The following FER variants were observed in gnomAD, a reference collection of about 807,000 sequenced individuals.
FER encodes the protein tyrosine-protein kinase Fer.
In FER, 63 loss-of-function variants were observed where a neutral mutation model predicts 111.0. The observed-to-expected ratio is 0.57, with a 90% CI of 0.46 to 0.70. The LOEUF (loss-of-function observed/expected upper bound fraction) is 0.70, where lower values mean the gene tolerates loss of function less well. Among genes scored for constraint, FER ranks in the 30% least tolerant of loss-of-function variants. The pLI, the probability that FER is intolerant of heterozygous loss-of-function variation, is 0.00. For synonymous variants in FER, 327 were observed against 313.9 expected, an observed-to-expected ratio of 1.04 and a Z score of -0.44; for missense variants, 914 against 954.0, an observed-to-expected ratio of 0.96 and a Z score of 0.55.
chr5:108,801,739 TCTTTC>T (rs1756674904), intron 3 of FER, among the ~76,000 whole-genome samples: 1 of 152,232 alleles, frequency 6.6e-6, no homozygotes. Context: ...ATGTTTTTTT[TCTTTC>T]CTTAAGTTGA....
intron 13 of FER, among the ~76,000 whole-genome samples, chr5:108,961,538 A>G (rs1013078226): frequency 1.3e-5 from 2 of 152,170 alleles, no homozygotes; most frequent in Non-Finnish European, 2.9e-5. Context: ...TATATACTGG[A>G]TGCTGTAGAA....
At chr5:109,087,650 G>GAA (rs5870343) in intron 16 of FER, among the ~76,000 whole-genome samples, 32 of 150,578 alleles carry the variant, frequency 2.1e-4, no homozygotes, top group Non-Finnish European at 1.5e-5. Context: ...ATCCTCATTG[G>GAA]AAAAAAAGTT....
intron 13 of FER, among the ~76,000 whole-genome samples, chr5:108,985,099 A>G (rs1351252467): frequency 6.6e-6 from 1 of 152,138 alleles, no homozygotes; most frequent in African/African-American, 2.4e-5. Context: ...ATAACTCATA[A>G]AAATAGGGAG....
At chr5:108,993,174 A>C (rs1299562631) in intron 13 of FER, among the ~76,000 whole-genome samples, 1 of 152,132 alleles carries the variant, frequency 6.6e-6, no homozygotes, top group East Asian at 1.9e-4. Context: ...GCACTTTGGG[A>C]GGCCAAGGCA....
At chr5:108,989,820 TTAA>T (rs1762966483) in intron 13 of FER, among the ~76,000 whole-genome samples, 1 of 152,124 alleles carries the variant, frequency 6.6e-6, no homozygotes, top group East Asian at 1.9e-4. Flanking sequence ...TGAGAATACA[TTAA>T]TACAAAATAG....
At chr5:108,758,172 T>C (rs1245491421) in intron 1 of FER, among the ~76,000 whole-genome samples, 1 of 152,226 alleles carries the variant, frequency 6.6e-6, no homozygotes, top group Non-Finnish European at 1.5e-5. Context: ...ATTTTCGGTC[T>C]TTCTACAGAT....
intron 14 of FER, among the ~76,000 whole-genome samples, chr5:109,038,092 G>A (rs531971834): frequency 4.6e-5 from 7 of 151,866 alleles, no homozygotes; most frequent in East Asian, 3.9e-4. Flanking sequence ...CTCATAGGCC[G>A]TAGTCAAGTA....
At chr5:108,763,042 C>T (rs1458700405) in intron 1 of FER, among the ~76,000 whole-genome samples, 1 of 152,034 alleles carries the variant, frequency 6.6e-6, no homozygotes, top group Non-Finnish European at 1.5e-5. Context: ...TTTCCTCTTT[C>T]TAGAATATAA....
intron 10 of FER, among the ~76,000 whole-genome samples, chr5:108,943,659 C>T (rs1756568173): frequency 1.3e-5 from 2 of 152,006 alleles, no homozygotes; most frequent in South Asian, 2.1e-4. Flanking sequence ...AGGATAATTT[C>T]AAAACTTGAT....
At chr5:109,182,992 C>T (rs773714467) in intron 18 of FER, among the ~76,000 whole-genome samples, 4 of 152,148 alleles carry the variant, frequency 2.6e-5, no homozygotes, top group Non-Finnish European at 4.4e-5. Flanking sequence ...CAGGCATGAG[C>T]CATTGCGCCC....
chr5:108,943,240 C>T (rs913491825), intron 10 of FER, among the ~76,000 whole-genome samples: 3 of 152,186 alleles, frequency 2.0e-5, no homozygotes, highest in East Asian at 1.9e-4. Context: ...ATCAGCGTAA[C>T]GCAAATGATG....
intron 5 of FER, among the ~76,000 whole-genome samples, chr5:108,859,920 CTATTAT>C (rs202162884): frequency 2.4e-3 from 338 of 141,594 alleles, no homozygotes; most frequent in Middle Eastern, 7.3e-3. Flanking sequence ...ATGTATATAC[CTATTAT>C]TATTATTATT....
chr5:109,002,204 G>A (rs1456098497), intron 13 of FER, among the ~76,000 whole-genome samples: 16 of 151,838 alleles, frequency 1.1e-4, no homozygotes, highest in Admixed American at 2.6e-4. Flanking sequence ...GAGGCATCAC[G>A]CTACCTGACT....
In FER at chr5:108,974,199, A is replaced by G. The variant is rs188901992; in HGVS notation, c.1656+14852A>G. On this transcript the variant is annotated intron_variant, in intron 13 of 19. Coordinates refer to ENST00000281092, the MANE Select transcript of FER (RefSeq NM_005246.4). The stretch of plus-strand genomic sequence containing the variant: ...ACAATATTTGCCTCAAAAGAAATTA[A>G]GAGTCTGGTTGGCAAGATAGATTAG... 1.5e-3 allele frequency among the ~76,000 whole-genome samples: 228 copies of G among 152,326 alleles called. 1 individual carries two copies. The highest frequency in any genetic ancestry group is 3.1e-3 in the South Asian group (15 of 4,826).
In FER at chr5:109,187,639, CT is replaced by C; in HGVS notation, c.*65del. The C allele has an allele frequency of 6.4e-7, 1 of 1,558,256 alleles. No individual in the cohort carries two copies. The highest frequency in any genetic ancestry group is 8.8e-7 in the Non-Finnish European group (1 of 1,138,186). Reference sequence around the variant, plus strand: ...CCTCCAGCAGAGTAACATTATTGTTCTCATTAACAATGAATTTATACCACAT... The same window carrying C: ...CCTCCAGCAGAGTAACATTATTGTTCCATTAACAATGAATTTATACCACAT... On this transcript the variant is annotated 3_prime_UTR_variant, in exon 20 of 20. Coordinates refer to ENST00000281092, the MANE Select transcript of FER (RefSeq NM_005246.4).
chr5:108,898,607 T>TTTCCTTCC (rs974127712), intron 10 of FER, among the ~76,000 whole-genome samples: 1 of 114,834 alleles, frequency 8.7e-6, no homozygotes, highest in South Asian at 3.5e-4. Context: ...TCCCCTCCCC[T>TTTCCTTCC]TTCCTTCCTT....
At chr5:108,946,892 T>A (rs930903873) in intron 11 of FER, among the ~76,000 whole-genome samples, 7 of 151,976 alleles carry the variant, frequency 4.6e-5, no homozygotes, top group Non-Finnish European at 1.0e-4. Context: ...CTAGTCTAAT[T>A]CTGGTCCTGA....
chr5:108,933,873 A>G (rs1755062671), intron 10 of FER, among the ~76,000 whole-genome samples: 1 of 152,044 alleles, frequency 6.6e-6, no homozygotes, highest in African/African-American at 2.4e-5. Context: ...GCAGTTTTGA[A>G]TGGGAGTTCA....
intron 16 of FER, among the ~76,000 whole-genome samples, chr5:109,073,343 A>C (rs1428561796): frequency 2.0e-5 from 3 of 152,152 alleles, no homozygotes; most frequent in Non-Finnish European, 4.4e-5. Flanking sequence ...AAACACCTTG[A>C]ATTTGGTTAG....
Sources: allele counts gnomAD v4.1 joint callset (sites outside exome capture counted in the v4.1 genomes callset), GRCh38; gene constraint gnomAD v4.1.1; transcripts MANE v1.5; gene names NCBI Gene and HGNC (gene_info 2026-07-23, HGNC 2026-07-21).